Variants in SMARCC1 observed in about 807,000 individuals in gnomAD.
The protein encoded by SMARCC1 is SWI/SNF complex subunit SMARCC1.
Under a neutral mutation model 147.4 loss-of-function variants are expected in SMARCC1, and 43 were observed. That is an observed-to-expected ratio of 0.29 (90% CI 0.23 to 0.38). SMARCC1 has a LOEUF of 0.38. SMARCC1 is among the 10% of genes least tolerant of loss of function. The pLI, the probability that SMARCC1 is intolerant of heterozygous loss-of-function variation, is 1.00. For synonymous variants in SMARCC1, 495 were observed against 484.4 expected (o/e 1.02, Z -0.29); for missense variants, 1,119 against 1,381.1 (o/e 0.81, Z 3.01).
rs534855443 is a variant in SMARCC1 at position 47,755,655 on chromosome 3, G to A, written c.316-9662C>T. ...GGGCGGATCATGAGGTCAGGAGTTC[G>A]AGACCACCCTAGCCAACATGGTTAA... On this transcript the variant is annotated intron_variant, in intron 2 of 27. Transcript: ENST00000254480. Among the ~76,000 whole-genome samples, 13 of 151,582 alleles carry A rather than the reference G, an allele frequency of 8.6e-5. No homozygotes were observed. In the East Asian group the frequency reaches 1.4e-3, roughly 16 times the overall value.
chr3:47,768,993 T>A lies in SMARCC1; in HGVS notation c.315+3824A>T, dbSNP rs572132848. Among the ~76,000 whole-genome samples the A allele has an allele frequency of 2.0e-5, 3 of 151,534 alleles. No homozygotes were observed. In the East Asian group the frequency reaches 5.9e-4, roughly 30 times the overall value. ...GGGAGGGAGAGGTGGGCAGATCACC[T>A]GAGGTCAGGAGTTCAAGACCAGGAG... On this transcript the variant is annotated intron_variant, in intron 2 of 27. Coordinates refer to ENST00000254480, the MANE Select transcript of SMARCC1 (RefSeq NM_003074.4).
chr3:47,695,531 A>T (rs1183046388), intron 11 of SMARCC1, among the ~76,000 whole-genome samples: 1 of 151,802 alleles, frequency 6.6e-6, no homozygotes, highest in Non-Finnish European at 1.5e-5. Context: ...CTTTGGAAGG[A>T]CAAGGCAGGC....
intron 27 of SMARCC1, among the ~76,000 whole-genome samples, chr3:47,589,702 C>A (rs922381463): frequency 1.7e-4 from 26 of 152,214 alleles, no homozygotes; most frequent in Non-Finnish European, 1.0e-4. Flanking sequence ...GTCCATGAAG[C>A]CTCCCAGAGT....
Position 47,638,735 on chromosome 3 carries a change from T to C in SMARCC1, c.2366A>G (p.Gln789Arg). The C allele has an allele frequency of 6.2e-7, 1 of 1,613,324 alleles. No homozygotes were observed. Among genetic ancestry groups the C allele is most frequent in the African/African-American group, 1.3e-5 (1 of 75,038 alleles). Reference protein sequence around the residue: ...EKMEADPDGQQPEKAENKVEN... With the variant: ...EKMEADPDGQRPEKAENKVEN... Reference sequence around the variant, plus strand: ...GCTGTGAGACTTTACCTTTTCAGGCTGCTGACCATCAGGGTCGGCTTCCAT... The same window carrying C: ...GCTGTGAGACTTTACCTTTTCAGGCCGCTGACCATCAGGGTCGGCTTCCAT... The change falls in exon 22 of 28, where the codon CAG (glutamine) becomes CGG (arginine). Residue 789 changes from glutamine to arginine, a missense_variant. By Grantham distance (43) the Gln-to-Arg change is conservative. Coordinates refer to ENST00000254480, the MANE Select transcript of SMARCC1 (RefSeq NM_003074.4).
At chr3:47,619,300 T>G (rs1054424522) in intron 25 of SMARCC1, among the ~76,000 whole-genome samples, 3 of 152,256 alleles carry the variant, frequency 2.0e-5, no homozygotes, top group African/African-American at 7.2e-5. Flanking sequence ...GCAACAATGC[T>G]GGCACGCACT....
At position 47,728,904 on chromosome 3, in the gene SMARCC1, TCAAAA is replaced by T. The variant is rs1576424176; in HGVS notation, c.646+116_646+120del. 8 of 588,890 alleles carry T rather than the reference TCAAAA, an allele frequency of 1.4e-5. No individual in the cohort carries two copies. In the East Asian group the frequency reaches 2.2e-4, roughly 16 times the overall value. 36.5% of individuals were successfully genotyped at this position (588,890 alleles called of 1,614,324 possible). On this transcript the variant is annotated intron_variant, in intron 6 of 27. Coordinates refer to ENST00000254480, the MANE Select transcript of SMARCC1 (RefSeq NM_003074.4). ...CCAGCCTGGGCGACAGACTCCATCTTCAAAACAAAACAAAAACAAATAAAAAGCTG... is the reference window on the plus strand; with the variant it reads ...CCAGCCTGGGCGACAGACTCCATCTTCAAAACAAAAACAAATAAAAAGCTG...
intron 26 of SMARCC1, among the ~76,000 whole-genome samples, chr3:47,593,319 G>A (rs1169786914): frequency 1.3e-5 from 2 of 151,782 alleles, no homozygotes; most frequent in African/African-American, 2.4e-5. Context: ...TTACAGGTGT[G>A]CGCCACCATA....
Position 47,706,475 on chromosome 3 carries a change from C to G in SMARCC1, c.974G>C (p.Arg325Thr). The G allele has an allele frequency of 2.5e-6, 4 of 1,580,276 alleles. No individual in the cohort carries two copies. Among genetic ancestry groups the G allele is most frequent in the Non-Finnish European group, 3.4e-6 (4 of 1,167,024 alleles). ...AGGGGGAGGCGAAGGCGAATGTTTC[C>G]TCTTTCGAGCATTAGCTGATGCTTT... Reference protein sequence around the residue: ...DRKASANARKRKHSPSPPPPT... With the variant: ...DRKASANARKTKHSPSPPPPT... Residue 325 changes from arginine to threonine, a missense_variant, in exon 10 of 28, where the codon AGG (arginine) becomes ACG (threonine). Physicochemically the swap from Arg to Thr is moderately conservative, Grantham distance 71 (BLOSUM62 -1). Transcript: ENST00000254480.
At chr3:47,734,656 A>C (rs886636823) in intron 5 of SMARCC1, among the ~76,000 whole-genome samples, 1 of 152,224 alleles carries the variant, frequency 6.6e-6, no homozygotes, top group Non-Finnish European at 1.5e-5. Context: ...TCACAAACTT[A>C]CATGTAGTAA....
At chr3:47,750,368 G>A (rs2034615792) in intron 2 of SMARCC1, among the ~76,000 whole-genome samples, 1 of 152,186 alleles carries the variant, frequency 6.6e-6, no homozygotes, top group Admixed American at 6.6e-5. Context: ...CCGAGAGGCA[G>A]AGGATGCAGT....
chr3:47,767,051 C>T (rs551476915), intron 2 of SMARCC1, among the ~76,000 whole-genome samples: 8 of 151,566 alleles, frequency 5.3e-5, no homozygotes, highest in East Asian at 3.9e-4. Flanking sequence ...GGCGTGGTGG[C>T]GGGCACCTGT....
intron 3 of SMARCC1, among the ~76,000 whole-genome samples, chr3:47,740,952 C>T (rs2034503246): frequency 6.6e-6 from 1 of 151,518 alleles, no homozygotes; most frequent in African/African-American, 2.4e-5. Context: ...CAGTGAACAT[C>T]AATGTCTGCC....
chr3:47,727,287 T>C (rs539621685), intron 6 of SMARCC1, among the ~76,000 whole-genome samples: 1 of 151,900 alleles, frequency 6.6e-6, no homozygotes, highest in Admixed American at 6.6e-5. Flanking sequence ...GGCAGGTGGA[T>C]CATGAGGTCA....
At chr3:47,592,295 A>G (rs578043072) in intron 26 of SMARCC1, among the ~76,000 whole-genome samples, 1 of 152,366 alleles carries the variant, frequency 6.6e-6, no homozygotes, top group South Asian at 2.1e-4. Context: ...AACTCTGCAA[A>G]GTAAGCATGA....
chr3:47,596,498 C>T (rs776001832), intron 26 of SMARCC1, among the ~76,000 whole-genome samples: 6 of 149,938 alleles, frequency 4.0e-5, no homozygotes, highest in East Asian at 2.0e-4. Flanking sequence ...ACGTGGGAGG[C>T]GGAGGTTGCA....
chr3:47,635,166 G>A (rs370078277), intron 24 of SMARCC1, 24 bp downstream of exon 24: 5 of 1,609,040 alleles, frequency 3.1e-6, no homozygotes, highest in Non-Finnish European at 4.2e-6. Flanking sequence ...AGAGAGCACT[G>A]GAAAAGGGCT....
chr3:47,598,850 A>AAG (rs1251274483), intron 26 of SMARCC1, among the ~76,000 whole-genome samples: 7 of 39,704 alleles, frequency 1.8e-4, no homozygotes, highest in African/African-American at 4.6e-4. Flanking sequence ...AAAAAAAAAA[A>AAG]AGAGAGAGAG....
chr3:47,605,456 A>G (rs2032456862), intron 26 of SMARCC1, among the ~76,000 whole-genome samples: 1 of 152,194 alleles, frequency 6.6e-6, no homozygotes, highest in African/African-American at 2.4e-5. Context: ...GACACATCTC[A>G]GATATACAGT....
At chr3:47,754,351 C>G (rs1002164290) in intron 2 of SMARCC1, among the ~76,000 whole-genome samples, 1 of 151,988 alleles carries the variant, frequency 6.6e-6, no homozygotes, top group Non-Finnish European at 1.5e-5. Context: ...TGCAGGCGCG[C>G]ACCACCACGC....
Sources: gnomAD v4.1 joint callset for allele counts (sites outside exome capture counted in the v4.1 genomes callset) on GRCh38, gnomAD v4.1.1 for gene constraint, MANE v1.5 for transcripts, NCBI Gene and HGNC (gene_info 2026-07-23, HGNC 2026-07-21) for gene names.